The following ROS1 variants were observed in gnomAD, a reference collection of about 807,000 sequenced individuals.
ROS1 encodes ROS proto-oncogene 1, receptor tyrosine kinase.
A neutral mutation model predicts 273.5 loss-of-function variants in ROS1; 263 were observed. The observed-to-expected ratio is 0.96, with a 90% CI of 0.87 to 1.06. The LOEUF is 1.06. Ranked by LOEUF, ROS1 falls within the 50% of genes least tolerant of loss-of-function variation. The pLI is 0.00. For missense variants in ROS1, 2,833 were observed against 2,751.1 expected (o/e 1.03, Z -0.67); for synonymous variants, 1,008 against 954.1 (o/e 1.06, Z -1.04).
chr6:117,398,063 C>A (rs182383951), intron 7 of ROS1, among the ~76,000 whole-genome samples: 1 of 152,278 alleles, frequency 6.6e-6, no homozygotes, highest in Admixed American at 6.5e-5. Flanking sequence ...TCAGCAAACA[C>A]AAGCATCATT....
At chr6:117,341,995 T>A (rs1171838945) in intron 29 of ROS1, among the ~76,000 whole-genome samples, 1 of 152,160 alleles carries the variant, frequency 6.6e-6, no homozygotes, top group Non-Finnish European at 1.5e-5. Context: ...CTATTTTCTT[T>A]AAGGCTATAC....
intron 40 of ROS1, 53 bp downstream of exon 40, chr6:117,310,967 G>T (rs1234224612): frequency 8.3e-6 from 9 of 1,090,698 alleles, no homozygotes; most frequent in Non-Finnish European, 1.1e-5. Flanking sequence ...TGCACTACAG[G>T]TGATTATTGT....
intron 43 of ROS1, among the ~76,000 whole-genome samples, chr6:117,296,261 C>T (rs934330760): frequency 2.0e-5 from 3 of 151,916 alleles, no homozygotes; most frequent in Non-Finnish European, 2.9e-5. Context: ...ATTAGCCAGG[C>T]GTGGTGGCAC....
intron 26 of ROS1, among the ~76,000 whole-genome samples, chr6:117,355,848 T>C (rs974413953): frequency 1.3e-5 from 2 of 152,078 alleles, no homozygotes; most frequent in Non-Finnish European, 2.9e-5. Flanking sequence ...TGACCTCAAG[T>C]GATCTACCCA....
intron 33 of ROS1, 134 bp downstream of exon 33, chr6:117,329,195 G>A (rs188350042): frequency 1.6e-6 from 1 of 619,170 alleles, no homozygotes; most frequent in African/African-American, 1.8e-5. Flanking sequence ...ACGTAATGAT[G>A]CATGTGAGTC....
intron 2 of ROS1, among the ~76,000 whole-genome samples, chr6:117,416,628 G>A (rs939439234): frequency 6.6e-6 from 1 of 152,172 alleles, no homozygotes; most frequent in Non-Finnish European, 1.5e-5. Context: ...ACACTGGGTA[G>A]TTGTCAAAGG....
intron 2 of ROS1, among the ~76,000 whole-genome samples, chr6:117,417,757 C>T (rs1268096453): frequency 6.6e-6 from 1 of 152,174 alleles, no homozygotes; most frequent in Non-Finnish European, 1.5e-5. Flanking sequence ...TGTGTCTTGA[C>T]AAAAAGGGCC....
intron 37 of ROS1, among the ~76,000 whole-genome samples, chr6:117,319,550 G>A (rs369984456): frequency 6.6e-6 from 1 of 152,172 alleles, no homozygotes; most frequent in African/African-American, 2.4e-5. Flanking sequence ...GCTGACCCTT[G>A]GTCTAGTACC....
intron 4 of ROS1, among the ~76,000 whole-genome samples, chr6:117,411,724 A>T (rs967055264): frequency 2.0e-5 from 3 of 152,130 alleles, no homozygotes; most frequent in Non-Finnish European, 4.4e-5. Flanking sequence ...CTTAAAAATT[A>T]TTCATTCATT....
rs577258391 is a variant in ROS1 at position 117,292,143 on chromosome 6, C to G, written c.6716-3341G>C. Among the ~76,000 whole-genome samples, 442 of 151,846 alleles carry G rather than the reference C, an allele frequency of 2.9e-3. 1 individual carries two copies. Among genetic ancestry groups the G allele is most frequent in the Non-Finnish European group, 4.3e-3 (293 of 67,906 alleles). ...CACCACCATGCCCAGCTAATTTTTT[C>G]TATTTTTTAGTAGAGACGCGGTTTC... On this transcript the variant is annotated intron_variant, in intron 43 of 43. Transcript: ENST00000368507.
Position 117,386,985 on chromosome 6 carries a change from ATGG to A in ROS1, c.2011_2013del (p.Pro671del). ...CCATCTTCTTTCACAGCCATGATAA[ATGG>A]TGGTTCACTAGCTGTTTAGTAAAAA... On this transcript the variant is annotated inframe_deletion, in exon 15 of 44. Coordinates refer to ENST00000368507, the MANE Select transcript of ROS1 (RefSeq NM_001378902.1). 1.2e-6 allele frequency: 2 copies of A among 1,607,634 alleles called. No homozygotes were observed. The highest frequency in any genetic ancestry group is 4.5e-5 in the East Asian group (2 of 44,782).
At position 117,288,775 on chromosome 6, in the gene ROS1, T is replaced by C. The variant is rs772230848; in HGVS notation, c.6743A>G (p.Asn2248Ser). The C allele has an allele frequency of 2.5e-6, 4 of 1,605,980 alleles. No individual in the cohort carries two copies. The East Asian group carries it at 8.9e-5, about 36-fold the overall frequency. Reference sequence around the variant, plus strand: ...AGCAACTGGCATAATGTCATCTGAATTCAAACAAATCACATCGCCATCTTC... The same window carrying C: ...AGCAACTGGCATAATGTCATCTGAACTCAAACAAATCACATCGCCATCTTC... ...EGEDGDVICL[N>S]SDDIMPVALM... Residue 2248 changes from asparagine to serine, a missense_variant, in exon 44 of 44, where the codon AAT (asparagine) becomes AGT (serine). By Grantham distance (46) the Asn-to-Ser change is conservative. Coordinates refer to ENST00000368507, the MANE Select transcript of ROS1 (RefSeq NM_001378902.1).
At chr6:117,298,425 T>G (rs6906824) in intron 43 of ROS1, among the ~76,000 whole-genome samples, 44,414 of 152,102 alleles carry the variant, frequency 0.29, 8,212 homozygotes, top group African/African-American at 0.52. Flanking sequence ...TTCAGATATG[T>G]CTATATTCAA....
chr6:117,341,578 A>G lies in ROS1; in HGVS notation c.4706T>C (p.Ile1569Thr), dbSNP rs761092844. Residue 1569 changes from isoleucine to threonine, a missense_variant, in exon 30 of 44, where the codon ATT (isoleucine) becomes ACT (threonine). Ile to Thr is a moderately conservative substitution (Grantham distance 89, BLOSUM62 -1). Coordinates refer to ENST00000368507, the MANE Select transcript of ROS1 (RefSeq NM_001378902.1). ...NTTVRSDTSL[I>T]ISWRESHKPN... ...CTTGTGAGATTCTCTCCAAGATATA[A>G]TGAGGCTGGTGTCTGACCGCACAGT... 2.5e-6 allele frequency: 4 copies of G among 1,613,796 alleles called. No homozygotes were observed. The highest frequency in any genetic ancestry group is 3.4e-6 in the Non-Finnish European group (4 of 1,179,768).
At chr6:117,325,286 G>T (rs1309855542) in intron 34 of ROS1, among the ~76,000 whole-genome samples, 1 of 152,120 alleles carries the variant, frequency 6.6e-6, no homozygotes, top group East Asian at 1.9e-4. Flanking sequence ...TCAATTGGCA[G>T]AAAATAAATA....
intron 15 of ROS1, 37 bp from the exon 16 acceptor site, chr6:117,385,898 T>C (rs772931338): frequency 1.2e-5 from 19 of 1,564,674 alleles, no homozygotes; most frequent in Non-Finnish European, 1.4e-5. Flanking sequence ...TTATTTTTCA[T>C]ACATACCAAC....
Position 117,288,172 on chromosome 6 carries a change from A to G in ROS1, c.*320T>C. The G allele has an allele frequency of 2.9e-6, 1 of 350,256 alleles. No individual in the cohort carries two copies. Among genetic ancestry groups the G allele is most frequent in the Non-Finnish European group, 5.2e-6 (1 of 193,554 alleles). 21.7% of individuals were successfully genotyped at this position (350,256 alleles called of 1,614,324 possible). A position where few individuals can be genotyped will look rare whatever the true frequency, so the allele number is the denominator to read the frequency against. On this transcript the variant is annotated 3_prime_UTR_variant, in exon 44 of 44. Coordinates refer to ENST00000368507, the MANE Select transcript of ROS1 (RefSeq NM_001378902.1). ...GCCAAGATATTTTTATTACAGCCCA[A>G]ACTGAAAGGTGGGTAAGAGCCTAAA... is the stretch of plus-strand genomic sequence containing the variant.
At chr6:117,288,961 A>G (rs1190712506) in intron 43 of ROS1, among the ~76,000 whole-genome samples, 159 bp from the exon 44 acceptor site, 2 of 152,240 alleles carry the variant, frequency 1.3e-5, no homozygotes, top group African/African-American at 4.8e-5. Context: ...GACAAATAAA[A>G]CATGCTTCTT....
intron 7 of ROS1, among the ~76,000 whole-genome samples, chr6:117,402,716 C>T (rs1415358937): frequency 1.3e-5 from 2 of 151,886 alleles, no homozygotes; most frequent in Non-Finnish European, 2.9e-5. Context: ...GGTGAAACCC[C>T]ATCTCCACTA....
Sources: gnomAD v4.1 joint callset for allele counts (sites outside exome capture counted in the v4.1 genomes callset) on GRCh38, gnomAD v4.1.1 for gene constraint, MANE v1.5 for transcripts, NCBI Gene and HGNC (gene_info 2026-07-23, HGNC 2026-07-21) for gene names.